KCNAB1: variants seen among roughly 807,000 people sequenced by gnomAD.
KCNAB1 encodes the protein potassium voltage-gated channel subfamily A regulatory beta subunit 1.
A neutral mutation model predicts 64.6 loss-of-function variants in KCNAB1; 35 were observed. That is an observed-to-expected ratio of 0.54 (90% CI 0.41 to 0.72). The LOEUF (loss-of-function observed/expected upper bound fraction) is 0.72. Ranked by LOEUF, KCNAB1 falls within the 30% of genes least tolerant of loss-of-function variation. The pLI is 0.00. For synonymous variants in KCNAB1, 177 were observed against 183.8 expected (o/e 0.96, Z 0.30); for missense variants, 401 against 512.9 (o/e 0.78, Z 2.11).
At chr3:156,450,604 T>G (rs1711918013) in intron 2 of KCNAB1, among the ~76,000 whole-genome samples, 1 of 152,224 alleles carries the variant, frequency 6.6e-6, no homozygotes. Flanking sequence ...CAAAAGAGAC[T>G]CTTTTATAAA....
intron 6 of KCNAB1, among the ~76,000 whole-genome samples, chr3:156,464,626 C>A (rs920578739): frequency 2.6e-5 from 4 of 152,020 alleles, no homozygotes; most frequent in East Asian, 1.9e-4. Context: ...ACCTTCTAAT[C>A]AAAATGTCTA....
chr3:156,181,598 A>T (rs1215800456), intron 1 of KCNAB1, among the ~76,000 whole-genome samples: 1 of 152,160 alleles, frequency 6.6e-6, no homozygotes, highest in Non-Finnish European at 1.5e-5. Context: ...GGAGATGAGG[A>T]TGTGAATGAG....
At chr3:156,234,441 G>T (rs938496511) in intron 1 of KCNAB1, among the ~76,000 whole-genome samples, 5 of 152,134 alleles carry the variant, frequency 3.3e-5, no homozygotes, top group African/African-American at 1.2e-4. Context: ...CTAGATGCAG[G>T]ACAGTTCATC....
chr3:156,493,989 G>A (rs1180946253), intron 8 of KCNAB1, among the ~76,000 whole-genome samples: 1 of 152,054 alleles, frequency 6.6e-6, no homozygotes, highest in Non-Finnish European at 1.5e-5. Flanking sequence ...GTTACCTTTA[G>A]TAATTAATAA....
intron 1 of KCNAB1, among the ~76,000 whole-genome samples, chr3:156,133,995 G>A (rs1445076081): frequency 6.6e-6 from 1 of 152,072 alleles, no homozygotes; most frequent in Admixed American, 6.5e-5. Context: ...CTAAATGCAG[G>A]AAATATTCCC....
intron 7 of KCNAB1, among the ~76,000 whole-genome samples, chr3:156,473,119 A>G (rs1244738252): frequency 1.3e-5 from 2 of 152,116 alleles, no homozygotes; most frequent in African/African-American, 2.4e-5. Context: ...AATTTTTGGC[A>G]TTTGGTCTTC....
chr3:156,459,850 T>A lies in KCNAB1; in HGVS notation c.461T>A (p.Ile154Asn). 6.2e-7 allele frequency: 1 copy of A among 1,610,864 alleles called. No homozygotes were observed. The highest frequency in any genetic ancestry group is 8.5e-7 in the Non-Finnish European group (1 of 1,177,438). ...AGGGCTGAAGTGATTCTGGGGAGCA[T>A]CATCAAGAAGAAAGGCTGGAGGTAT... ...AGKAEVILGS[I>N]IKKKGWRRSS... The change falls in exon 5 of 14, where the codon ATC becomes AAC. Residue 154 changes from isoleucine (I) to asparagine (N), a missense_variant. Coordinates refer to ENST00000490337, the MANE Select transcript of KCNAB1 (RefSeq NM_172160.3).
intron 8 of KCNAB1, among the ~76,000 whole-genome samples, chr3:156,501,794 G>C (rs948115202): frequency 6.6e-6 from 1 of 152,098 alleles, no homozygotes; most frequent in South Asian, 2.1e-4. Context: ...AGACATATCC[G>C]AGACTGGGAA....
intron 8 of KCNAB1, among the ~76,000 whole-genome samples, chr3:156,488,705 GAGT>G (rs1345306014): frequency 7.9e-5 from 12 of 152,016 alleles, no homozygotes; most frequent in Admixed American, 7.2e-4. Context: ...GCCAACTCCA[GAGT>G]CCTAAGCATT....
intron 1 of KCNAB1, among the ~76,000 whole-genome samples, chr3:156,179,194 TTTA>T (rs149878940): frequency 0.055 from 8,359 of 151,936 alleles, 314 homozygotes; most frequent in Middle Eastern, 0.12. Context: ...TTACTAAGCT[TTTA>T]TTATGTGCTT....
chr3:156,514,183 T>G (rs868312242), intron 8 of KCNAB1, among the ~76,000 whole-genome samples, 181 bp from the exon 9 acceptor site: 13 of 152,246 alleles, frequency 8.5e-5, no homozygotes, highest in African/African-American at 3.1e-4. Flanking sequence ...AAAGGTACCA[T>G]CAGCCTTCAA....
At chr3:156,387,014 CTTTTTTTTT>C (rs1194708289) in intron 1 of KCNAB1, among the ~76,000 whole-genome samples, 1 of 90,526 alleles carries the variant, frequency 1.1e-5, no homozygotes, top group Non-Finnish European at 2.1e-5. Context: ...TTCTCTCTCT[CTTTTTTTTT>C]TTTTTTTTTT....
chr3:156,405,300 C>T (rs1330248166), intron 1 of KCNAB1, among the ~76,000 whole-genome samples: 2 of 152,206 alleles, frequency 1.3e-5, no homozygotes, highest in South Asian at 2.1e-4. Flanking sequence ...GCCTTCCCAC[C>T]TCCTGCTCTC....
At chr3:156,120,160 A>C (rs1308297207), upstream of KCNAB1, among the ~76,000 whole-genome samples, 1 of 152,220 alleles carries the variant, frequency 6.6e-6, no homozygotes, top group Non-Finnish European at 1.5e-5. Context: ...AATTCACATT[A>C]AAACTTTTAA....
intron 1 of KCNAB1, chr3:156,291,437 C>T: frequency 3.0e-6 from 3 of 1,007,066 alleles, no homozygotes; most frequent in Non-Finnish European, 2.4e-6. Flanking sequence ...GGGATGCTGG[C>T]GGCGCATCTT....
chr3:156,120,230 C>T (rs182073992), upstream of KCNAB1, among the ~76,000 whole-genome samples: 1 of 152,280 alleles, frequency 6.6e-6, no homozygotes, highest in Non-Finnish European at 1.5e-5. Flanking sequence ...TTTTATAACT[C>T]TAACATGATT....
chr3:156,414,734 G>A (rs112400177), intron 1 of KCNAB1, among the ~76,000 whole-genome samples: 1 of 152,254 alleles, frequency 6.6e-6, no homozygotes, highest in Non-Finnish European at 1.5e-5. Context: ...GACTTTTTGA[G>A]TTACTGATGT....
At chr3:156,206,942 G>T (rs1012558438) in intron 1 of KCNAB1, among the ~76,000 whole-genome samples, 20 of 152,216 alleles carry the variant, frequency 1.3e-4, no homozygotes, top group African/African-American at 4.8e-4. Flanking sequence ...TTACCAAGGA[G>T]CCTATCAGAG....
intron 1 of KCNAB1, among the ~76,000 whole-genome samples, chr3:156,139,968 C>G (rs193251909): frequency 6.6e-6 from 1 of 152,136 alleles, no homozygotes; most frequent in Admixed American, 6.5e-5. Context: ...ACCACTCATA[C>G]GGCATTAAAT....
Sources: allele counts gnomAD v4.1 joint callset (sites outside exome capture counted in the v4.1 genomes callset), GRCh38; gene constraint gnomAD v4.1.1; transcripts MANE v1.5; gene names NCBI Gene and HGNC (gene_info 2026-07-23, HGNC 2026-07-21).